The following PHACTR2 variants were observed in gnomAD, a reference collection of about 807,000 sequenced individuals.
The protein encoded by PHACTR2 is chromosome 6 open reading frame 56.
Under a neutral mutation model 76.0 loss-of-function variants are expected in PHACTR2, and 30 were observed. The ratio of observed to expected loss-of-function variants is 0.39; its 90% confidence interval spans 0.30 to 0.54. The LOEUF (loss-of-function observed/expected upper bound fraction) is 0.54, where lower values mean the gene tolerates loss of function less well. PHACTR2 is among the 20% of genes least tolerant of loss of function. PHACTR2 has a pLI of 0.61. For missense variants in PHACTR2, 696 were observed against 781.1 expected, an observed-to-expected ratio of 0.89 and a Z score of 1.30; for synonymous variants, 292 against 292.5, an observed-to-expected ratio of 1.00 and a Z score of 0.02.
intron 2 of PHACTR2, among the ~76,000 whole-genome samples, chr6:143,746,559 T>C (rs1779071249): frequency 6.6e-6 from 1 of 152,128 alleles, no homozygotes; most frequent in East Asian, 1.9e-4. Flanking sequence ...TTCCCAGGAA[T>C]GGAGGCCAAG....
chr6:143,540,335 CAGAGA>C (rs1781161022), intron 1 of PHACTR2, among the ~76,000 whole-genome samples: 3 of 152,008 alleles, frequency 2.0e-5, no homozygotes, highest in African/African-American at 7.3e-5. Flanking sequence ...CAAGAGTTGT[CAGAGA>C]ACAGCCTCCC....
Position 143,801,381 on chromosome 6 carries a change from A to C in PHACTR2, c.1846-5676A>C, listed in dbSNP as rs537654648. Among the ~76,000 whole-genome samples, 208 of 152,180 alleles carry C rather than the reference A, an allele frequency of 1.4e-3. 1 individual carries two copies. Among genetic ancestry groups the C allele is most frequent in the African/African-American group, 4.8e-3 (200 of 41,528 alleles). ...TTTCACATAGTCTCATATTTATTGG[A>C]GGCTTTGTTCATTTCTTTTCACTCC... On this transcript the variant is annotated intron_variant, in intron 11 of 12. Transcript: ENST00000440869. This position sits in a 1 kb window ranked among gnomAD's most constrained non-coding sequence, Gnocchi z 4.6.
Position 143,624,903 on chromosome 6 carries a change from C to T in PHACTR2, c.13+16581C>T, listed in dbSNP as rs186301470. Among the ~76,000 whole-genome samples the T allele has an allele frequency of 1.3e-5, 2 of 152,180 alleles. No individual in the cohort carries two copies. The highest frequency in any genetic ancestry group is 3.9e-4 in the East Asian group (2 of 5,174). ...GGGAACGGTGCCTCACACCTGTAAT[C>T]CCAGTACTTTGGGAGGCCGAGGCGG... On this transcript the variant is annotated intron_variant, in intron 1 of 11. Transcript: ENST00000305766. This position sits in a 1 kb window ranked among gnomAD's most constrained non-coding sequence, Gnocchi z 4.6.
At position 143,713,695 on chromosome 6, in the gene PHACTR2, G is replaced by A. The variant is rs189061189; in HGVS notation, c.214+1512G>A. 2.6e-5 allele frequency among the ~76,000 whole-genome samples: 4 copies of A among 152,266 alleles called. No individual in the cohort carries two copies. In the East Asian group the frequency reaches 7.7e-4, roughly 29 times the overall value. On this transcript the variant is annotated intron_variant, in intron 2 of 12. Transcript: ENST00000440869. ...TAAACTCGGAGGTGCTTCAGTTCCTGATTCTGTTGTTGGTCTCCAGAGACA... is the reference window on the plus strand; with the variant it reads ...TAAACTCGGAGGTGCTTCAGTTCCTAATTCTGTTGTTGGTCTCCAGAGACA...
In PHACTR2 at chr6:143,578,913, T is replaced by G. The variant is rs375789808; in HGVS notation, c.217+41706T>G. On this transcript the variant is annotated intron_variant, in intron 1 of 11. Transcript: ENST00000367584. The surrounding 1 kb of genome is among the most constrained non-coding windows in gnomAD (Gnocchi z 4.5). ...TAATCCTGCCCCCAAAACTTTTTTT[T>G]TTGTTGTTGAGACAGGATCTTGTTC... Among the ~76,000 whole-genome samples, 2,226 of 151,894 alleles carry G rather than the reference T, an allele frequency of 0.015. 21 individuals carry two copies. The highest frequency in any genetic ancestry group is 0.031 in the South Asian group (151 of 4,802).
rs1322564193 is a variant in PHACTR2, at chr6:143,801,959, T to A, written c.1846-5098T>A. Among the ~76,000 whole-genome samples the A allele has an allele frequency of 1.3e-5, 2 of 152,150 alleles. No homozygotes were observed. The highest frequency in any genetic ancestry group is 2.4e-5 in the African/African-American group (1 of 41,422). On this transcript the variant is annotated intron_variant, in intron 11 of 12. Transcript: ENST00000440869. The surrounding 1 kb of genome is among the most constrained non-coding windows in gnomAD (Gnocchi z 4.6). ...ATTTTCCTTCTAACAGATAGGCCCC[T>A]CAGCTGCAGGTCTGTTGGAGTTTAC...
At chr6:143,590,019 A>G (rs1775672122) in intron 1 of PHACTR2, among the ~76,000 whole-genome samples, 1 of 152,244 alleles carries the variant, frequency 6.6e-6, no homozygotes, top group Non-Finnish European at 1.5e-5. Flanking sequence ...ACAGAATATT[A>G]TAGTCACGAA....
At chr6:143,724,886 A>AT (rs1447733800) in intron 2 of PHACTR2, among the ~76,000 whole-genome samples, 1 of 152,214 alleles carries the variant, frequency 6.6e-6, no homozygotes, top group Non-Finnish European at 1.5e-5. Flanking sequence ...GTATGTATTC[A>AT]TTCTGACAGC....
rs1301156220 is a variant in PHACTR2, at chr6:143,822,824, C to T, written c.1923-850C>T. On this transcript the variant is annotated intron_variant, in intron 12 of 12. Transcript: ENST00000440869. The surrounding 1 kb of genome is among the most constrained non-coding windows in gnomAD (Gnocchi z 5.5). Reference sequence around the variant, plus strand: ...GATAGGAAATGAAGGGAAGGAATTGCAGTATTAGTGAACAGCATGTTCAAA... The same window carrying T: ...GATAGGAAATGAAGGGAAGGAATTGTAGTATTAGTGAACAGCATGTTCAAA... Among the ~76,000 whole-genome samples the T allele has an allele frequency of 6.6e-6, 1 of 152,124 alleles. No individual in the cohort carries two copies. The highest frequency in any genetic ancestry group is 1.5e-5 in the Non-Finnish European group (1 of 68,038).
chr6:143,765,845 A>C lies in PHACTR2; in HGVS notation c.1232+47A>C. The C allele has an allele frequency of 2.0e-6, 3 of 1,469,550 alleles. No homozygotes were observed. The highest frequency in any genetic ancestry group is 1.9e-6 in the Non-Finnish European group (2 of 1,070,040). The allele number at this position is 1,469,550 out of a possible 1,614,324, so 91.0% of individuals were successfully genotyped here. On this transcript the variant is annotated intron_variant, in intron 6 of 12. Coordinates refer to ENST00000440869, the MANE Select transcript of PHACTR2 (RefSeq NM_001100164.2). The surrounding 1 kb of genome is among the most constrained non-coding windows in gnomAD (Gnocchi z 4.1). Reference sequence around the variant, plus strand: ...CTATTTTATCTGAGAACTAAAGATCACTAATATATTCTGTTGGAAATGAAG... The same window carrying C: ...CTATTTTATCTGAGAACTAAAGATCCCTAATATATTCTGTTGGAAATGAAG...
chr6:143,744,722 G>T (rs975464275), intron 2 of PHACTR2, among the ~76,000 whole-genome samples: 2 of 152,204 alleles, frequency 1.3e-5, no homozygotes, highest in Non-Finnish European at 2.9e-5. Flanking sequence ...ACAGCCTAAG[G>T]GGCTGCGGTG....
Position 143,633,132 on chromosome 6 carries a change from C to A in PHACTR2, c.13+24810C>A, listed in dbSNP as rs1490379912. 6.6e-6 allele frequency among the ~76,000 whole-genome samples: 1 copy of A among 152,204 alleles called. No individual in the cohort carries two copies. The highest frequency in any genetic ancestry group is 2.4e-5 in the African/African-American group (1 of 41,450). On this transcript the variant is annotated intron_variant, in intron 1 of 11. Transcript: ENST00000305766. The surrounding 1 kb of genome is among the most constrained non-coding windows in gnomAD (Gnocchi z 4.1). ...CGATTTGGTTAAATACCAAGGCGTG[C>A]AATTGCTGAATCATAGGGTGAGAGT...
At chr6:143,706,339 G>A (rs1778052590) in intron 1 of PHACTR2, among the ~76,000 whole-genome samples, 1 of 152,160 alleles carries the variant, frequency 6.6e-6, no homozygotes, top group African/African-American at 2.4e-5. Context: ...ACTGCTTCTA[G>A]GCCTTCTGAG....
chr6:143,717,210 C>A (rs1478208863), intron 2 of PHACTR2, among the ~76,000 whole-genome samples: 4 of 152,134 alleles, frequency 2.6e-5, no homozygotes, highest in Non-Finnish European at 5.9e-5. Context: ...CCTATGAGCA[C>A]CTCCTTCCTC....
At chr6:143,724,966 A>G (rs968110579) in intron 2 of PHACTR2, among the ~76,000 whole-genome samples, 5 of 152,204 alleles carry the variant, frequency 3.3e-5, no homozygotes, top group African/African-American at 7.2e-5. Flanking sequence ...GCAGATGTAC[A>G]AAGGTACCAT....
intron 2 of PHACTR2, among the ~76,000 whole-genome samples, chr6:143,724,584 T>C (rs1364141302): frequency 6.8e-6 from 1 of 146,678 alleles, no homozygotes; most frequent in Admixed American, 6.7e-5. Context: ...GGAAGAAAAA[T>C]AGAGGTCCCA....
In PHACTR2 at chr6:143,765,411, A is replaced by G. The variant is rs2128473576; in HGVS notation, c.845A>G (p.Asp282Gly). Residue 282 changes from aspartate to glycine, a missense_variant, in exon 6 of 13, where the codon GAC becomes GGC. Around this residue, in one of 2 missense-constraint regions of PHACTR2, gnomAD observed 460 missense variants for 450.9 expected, o/e 1.02. Transcript: ENST00000440869. This position sits in a 1 kb window ranked among gnomAD's most constrained non-coding sequence, Gnocchi z 4.1. ...VGTTKGKRKT[D>G]KQPITSHLSS... ...ACCACCAAGGGCAAGAGAAAAACTG[A>G]CAAGCAGCCAATAACTTCTCACCTG... 1 of 1,614,222 alleles carries G rather than the reference A, an allele frequency of 6.2e-7. No homozygotes were observed. Among genetic ancestry groups the G allele is most frequent in the Non-Finnish European group, 8.5e-7 (1 of 1,180,034 alleles).
chr6:143,827,156 ATATATATATAT>A lies in PHACTR2; in HGVS notation c.*3468_*3478del, dbSNP rs1317945112. 1 of 18,368 alleles carries A rather than the reference ATATATATATAT, an allele frequency of 5.4e-5. No homozygotes were observed. Among genetic ancestry groups the A allele is most frequent in the Non-Finnish European group, 1.2e-4 (1 of 8,532 alleles). 1.1% of individuals were successfully genotyped at this position (18,368 alleles called of 1,614,324 possible). On this transcript the variant is annotated 3_prime_UTR_variant, in exon 13 of 13. Coordinates refer to ENST00000440869, the MANE Select transcript of PHACTR2 (RefSeq NM_001100164.2). ...GGCTGCGTTGGCATTAAAAAAGAAA[ATATATATATAT>A]ATATATATATATATATATATATATA...
Position 143,820,546 on chromosome 6 carries a change from C to T in PHACTR2, c.1923-3128C>T, listed in dbSNP as rs1254122671. 6.6e-6 allele frequency among the ~76,000 whole-genome samples: 1 copy of T among 152,196 alleles called. No individual in the cohort carries two copies. Among genetic ancestry groups the T allele is most frequent in the Non-Finnish European group, 1.5e-5 (1 of 68,030 alleles). ...GCTCCAAAATAATCTCCTCTGACTC[C>T]ATGTCCCATGTCCTGGGTACTCTGG... is the stretch of plus-strand genomic sequence containing the variant. On this transcript the variant is annotated intron_variant, in intron 12 of 12. Coordinates refer to ENST00000440869, the MANE Select transcript of PHACTR2 (RefSeq NM_001100164.2). This position sits in a 1 kb window ranked among gnomAD's most constrained non-coding sequence, Gnocchi z 4.2.
Sources: gnomAD v4.1 joint callset for allele counts (sites outside exome capture counted in the v4.1 genomes callset) on GRCh38, gnomAD v4.1.1 for gene constraint, gnomAD v4.1.1 regional missense constraint, Gnocchi (gnomAD v3.1) non-coding constraint, MANE v1.5 for transcripts, NCBI Gene and HGNC (gene_info 2026-07-23, HGNC 2026-07-21) for gene names.